NEGR1: variants seen among roughly 807,000 people sequenced by gnomAD.
NEGR1 encodes neuronal growth regulator 1, also known as IgLON family member 4.
Under a neutral mutation model 40.9 loss-of-function variants are expected in NEGR1, and 10 were observed. That is an observed-to-expected ratio of 0.24 (90% CI 0.15 to 0.42). The LOEUF (loss-of-function observed/expected upper bound fraction) is 0.42. Ranked by LOEUF, NEGR1 falls within the 10% of genes least tolerant of loss-of-function variation. NEGR1 has a pLI of 1.00. For missense variants in NEGR1, 352 were observed against 438.9 expected, an observed-to-expected ratio of 0.80 and a Z score of 1.77; for synonymous variants, 185 against 166.8, an observed-to-expected ratio of 1.11 and a Z score of -0.84.
At chr1:71,948,374 C>T (rs1344895855) in intron 1 of NEGR1, among the ~76,000 whole-genome samples, 1 of 151,572 alleles carries the variant, frequency 6.6e-6, no homozygotes, top group Non-Finnish European at 1.5e-5. Context: ...TGTTTGTAGT[C>T]TAGGGTTTCT....
intron 4 of NEGR1, among the ~76,000 whole-genome samples, chr1:71,672,291 T>C (rs1370510698): frequency 6.6e-6 from 1 of 152,150 alleles, no homozygotes; most frequent in Non-Finnish European, 1.5e-5. Context: ...AAAATTAAAT[T>C]AGATAAAATT....
chr1:72,161,721 C>T (rs544498928), intron 1 of NEGR1, among the ~76,000 whole-genome samples: 7 of 137,966 alleles, frequency 5.1e-5, no homozygotes, highest in Non-Finnish European at 7.6e-5. Context: ...GCTCTGTCAC[C>T]CAGGCTGGTG....
At chr1:72,073,989 T>A (rs1386096614) in intron 1 of NEGR1, among the ~76,000 whole-genome samples, 3 of 152,062 alleles carry the variant, frequency 2.0e-5, no homozygotes, top group Admixed American at 1.3e-4. Context: ...CTTAAATATA[T>A]CAGGTAGCAT....
At chr1:71,435,453 G>A (rs1381602363) in intron 6 of NEGR1, among the ~76,000 whole-genome samples, 1 of 152,052 alleles carries the variant, frequency 6.6e-6, no homozygotes, top group Non-Finnish European at 1.5e-5. Context: ...AAATTCTCAG[G>A]TGCTGTTAAG....
intron 2 of NEGR1, among the ~76,000 whole-genome samples, chr1:71,781,463 A>C (rs1356340132): frequency 6.6e-6 from 1 of 152,186 alleles, no homozygotes; most frequent in East Asian, 1.9e-4. Flanking sequence ...CACTGGAATC[A>C]ATTAAATGCC....
chr1:71,590,491 T>C (rs950900925), intron 6 of NEGR1, among the ~76,000 whole-genome samples: 7 of 152,024 alleles, frequency 4.6e-5, no homozygotes, highest in African/African-American at 1.7e-4. Context: ...CTACTCACCC[T>C]TTTCTTTCCA....
intron 4 of NEGR1, among the ~76,000 whole-genome samples, chr1:71,678,962 G>A (rs1461762092): frequency 6.6e-6 from 1 of 152,092 alleles, no homozygotes; most frequent in Non-Finnish European, 1.5e-5. Flanking sequence ...CCTGAAGAAT[G>A]GAAAACCACT....
chr1:71,835,240 T>A (rs902197813), intron 2 of NEGR1, among the ~76,000 whole-genome samples: 1 of 152,126 alleles, frequency 6.6e-6, no homozygotes, highest in Non-Finnish European at 1.5e-5. Context: ...CATCATGTTT[T>A]TTCTGCCACG....
At chr1:71,775,383 G>C (rs941134272) in intron 3 of NEGR1, among the ~76,000 whole-genome samples, 1 of 143,746 alleles carries the variant, frequency 7.0e-6, no homozygotes, top group Non-Finnish European at 1.5e-5. Context: ...GTCTTGCTCC[G>C]CACCCAGGCT....
intron 6 of NEGR1, among the ~76,000 whole-genome samples, chr1:71,418,640 CCTTAAGAAGAAATGTAATAA>C (rs1447884481): frequency 1.6e-4 from 24 of 152,200 alleles, no homozygotes; most frequent in South Asian, 1.0e-3. Context: ...ATATATTTCT[CCTTAAGAAGAAATGTAATAA>C]CTTAAGAAGA....
chr1:72,043,065 C>T (rs1163251841), intron 1 of NEGR1, among the ~76,000 whole-genome samples: 1 of 151,818 alleles, frequency 6.6e-6, no homozygotes, highest in Non-Finnish European at 1.5e-5. Context: ...AGGCCACATA[C>T]CCTTAAAAGC....
intron 2 of NEGR1, among the ~76,000 whole-genome samples, chr1:71,929,160 A>G (rs1484552297): frequency 6.6e-6 from 1 of 152,140 alleles, no homozygotes; most frequent in East Asian, 1.9e-4. Context: ...TAAAGAAGCT[A>G]TAGATCATGT....
In NEGR1 at chr1:71,955,201, A is replaced by T. The variant is rs923136310; in HGVS notation, c.177-19890T>A. 1.7e-4 allele frequency among the ~76,000 whole-genome samples: 26 copies of T among 152,258 alleles called. No homozygotes were observed. The East Asian group carries it at 5.0e-3, about 29-fold the overall frequency. ...TAGTATGTTACACGGAGTTGTCTAA[A>T]TGAGTCCAGGAAATAAATAATATAT... On this transcript the variant is annotated intron_variant, in intron 1 of 6. Transcript: ENST00000357731.
At chr1:71,426,816 A>G (rs976257405) in intron 6 of NEGR1, among the ~76,000 whole-genome samples, 1 of 151,562 alleles carries the variant, frequency 6.6e-6, no homozygotes, top group African/African-American at 2.4e-5. Flanking sequence ...TGTGAGATTT[A>G]AAAAAAAATA....
intron 2 of NEGR1, among the ~76,000 whole-genome samples, chr1:71,888,417 G>A (rs1229929265): frequency 1.3e-5 from 2 of 152,034 alleles, no homozygotes; most frequent in African/African-American, 4.8e-5. Context: ...AGCGCAAGGG[G>A]TCAGGGAGTT....
intron 5 of NEGR1, among the ~76,000 whole-genome samples, chr1:71,599,718 T>C (rs1056828333): frequency 6.6e-6 from 1 of 152,226 alleles, no homozygotes; most frequent in African/African-American, 2.4e-5. Context: ...TTTATTAAGC[T>C]ATTTAAAATG....
At chr1:72,245,720 T>A (rs919593867) in intron 1 of NEGR1, among the ~76,000 whole-genome samples, 1 of 152,182 alleles carries the variant, frequency 6.6e-6, no homozygotes, top group African/African-American at 2.4e-5. Context: ...CAACTTTGCA[T>A]AAAATTCTTT....
chr1:71,935,980 T>G (rs1041375682), intron 1 of NEGR1, among the ~76,000 whole-genome samples: 2 of 151,944 alleles, frequency 1.3e-5, no homozygotes, highest in Admixed American at 6.6e-5. Flanking sequence ...TGTATTTATA[T>G]TGGAGAGGGG....
chr1:71,636,495 G>A (rs1651155664), intron 4 of NEGR1, among the ~76,000 whole-genome samples: 1 of 152,006 alleles, frequency 6.6e-6, no homozygotes, highest in Admixed American at 6.6e-5. Flanking sequence ...TATTATTAGG[G>A]GAAGGTTAAT....
Sources: gnomAD v4.1 joint callset for allele counts (sites outside exome capture counted in the v4.1 genomes callset) on GRCh38, gnomAD v4.1.1 for gene constraint, MANE v1.5 for transcripts, NCBI Gene and HGNC (gene_info 2026-07-23, HGNC 2026-07-21) for gene names.